MXI1: variants seen among roughly 807,000 people sequenced by gnomAD.
MXI1 encodes max-interacting protein 1.
Under a neutral mutation model 36.9 loss-of-function variants are expected in MXI1, and 18 were observed. The observed-to-expected ratio is 0.49, with a 90% CI of 0.34 to 0.72. The LOEUF is 0.72. MXI1 is among the 30% of genes least tolerant of loss of function. The pLI, the probability that MXI1 is intolerant of heterozygous loss-of-function variation, is 0.01. For missense variants in MXI1, 304 were observed against 379.1 expected (o/e 0.80, Z 1.64); for synonymous variants, 160 against 146.7 (o/e 1.09, Z -0.65).
chr10:110,279,226 C>T lies in MXI1; in HGVS notation c.484C>T (p.Pro162Ser). 1 of 1,614,182 alleles carries T rather than the reference C, an allele frequency of 6.2e-7. No individual in the cohort carries two copies. The highest frequency in any genetic ancestry group is 8.5e-7 in the Non-Finnish European group (1 of 1,180,022). ...TTTAGAACGCTTAAAAGTTCTGATT[C>T]CACTAGGACCAGACTGCACCCGGCA... is the stretch of plus-strand genomic sequence containing the variant. ...LCLERLKVLI[P>S]LGPDCTRHTT... Residue 162 changes from proline to serine, a missense_variant, in exon 4 of 6, where the codon CCA becomes TCA. By Grantham distance (74) the Pro-to-Ser change is moderately conservative. Coordinates refer to ENST00000332674, the MANE Select transcript of MXI1 (RefSeq NM_130439.3).
At position 110,249,831 on chromosome 10, in the gene MXI1, A is replaced by G. The variant is rs544533697; in HGVS notation, c.437+4974A>G. The stretch of plus-strand genomic sequence containing the variant: ...GCTTCTCTGAGTTATGATAAAAAAC[A>G]TAATTATTTTTATTGGAGCAAATGC... On this transcript the variant is annotated intron_variant, in intron 3 of 5. Transcript: ENST00000332674. 4.8e-4 allele frequency among the ~76,000 whole-genome samples: 73 copies of G among 152,218 alleles called. 1 individual carries two copies. Among genetic ancestry groups the G allele is most frequent in the Non-Finnish European group, 9.7e-4 (66 of 68,042 alleles).
chr10:110,212,247 C>A lies in MXI1; in HGVS notation c.274+4165C>A, dbSNP rs117904151. Among the ~76,000 whole-genome samples, 4 of 152,138 alleles carry A rather than the reference C, an allele frequency of 2.6e-5. No homozygotes were observed. The East Asian group carries it at 7.7e-4, about 29-fold the overall frequency. ...AGGGTGGGGTGCTTTCCTAGGGGCACGGACAGCCCAAGAAACAGCCTGTTC... is the reference window on the plus strand; with the variant it reads ...AGGGTGGGGTGCTTTCCTAGGGGCAAGGACAGCCCAAGAAACAGCCTGTTC... On this transcript the variant is annotated intron_variant, in intron 1 of 5. Transcript: ENST00000332674.
At chr10:110,220,959 G>T (rs2134337631) in intron 1 of MXI1, among the ~76,000 whole-genome samples, 1 of 152,258 alleles carries the variant, frequency 6.6e-6, no homozygotes, top group African/African-American at 2.4e-5. Flanking sequence ...AACAAATGTT[G>T]AAAAGTATTT....
intron 3 of MXI1, among the ~76,000 whole-genome samples, chr10:110,255,740 C>A (rs767254422): frequency 1.3e-5 from 2 of 152,096 alleles, no homozygotes; most frequent in African/African-American, 2.4e-5. Context: ...GATGGCCGTA[C>A]TTTCCAAATT....
At chr10:110,217,667 T>C (rs1411577749) in intron 1 of MXI1, among the ~76,000 whole-genome samples, 2 of 152,234 alleles carry the variant, frequency 1.3e-5, no homozygotes, top group African/African-American at 4.8e-5. Flanking sequence ...CAACAAATAA[T>C]TTCTAAAACC....
rs143736763 is a variant in MXI1 at position 110,279,246 on chromosome 10, C to T, written c.504C>T (p.Thr168=). The stretch of plus-strand genomic sequence containing the variant: ...TGATTCCACTAGGACCAGACTGCAC[C>T]CGGCACACAACACTTGGTTTGCTCA... ...KVLIPLGPDC[T]RHTTLGLLNK... is the part of the protein sequence containing the mutation. The change falls in exon 4 of 6, where the codon ACC becomes ACT. Residue 168 remains threonine, a synonymous_variant. Transcript: ENST00000332674. 2.5e-6 allele frequency: 4 copies of T among 1,614,082 alleles called. No homozygotes were observed. Among genetic ancestry groups the T allele is most frequent in the Non-Finnish European group, 2.5e-6 (3 of 1,180,000 alleles).
chr10:110,259,289 A>C (rs569385970), intron 3 of MXI1, among the ~76,000 whole-genome samples: 1 of 152,228 alleles, frequency 6.6e-6, no homozygotes, highest in South Asian at 2.1e-4. Context: ...GAGATATTTT[A>C]GATGATGCAA....
chr10:110,219,366 C>G (rs1353831385), intron 1 of MXI1, among the ~76,000 whole-genome samples: 1 of 152,170 alleles, frequency 6.6e-6, no homozygotes, highest in Non-Finnish European at 1.5e-5. Context: ...TTTTCAAAAG[C>G]CCTTCAATAG....
In MXI1 at chr10:110,283,554, CTT is replaced by C. The variant is rs34296187; in HGVS notation, c.725-1256_725-1255del. On this transcript the variant is annotated intron_variant, in intron 5 of 5. Coordinates refer to ENST00000332674, the MANE Select transcript of MXI1 (RefSeq NM_130439.3). ...GCTTGGCCGCACCCGGCTGAATCCA[CTT>C]TTTTTTTTTTTTTAAAGCAGTTGTG... 9.6e-4 allele frequency among the ~76,000 whole-genome samples: 140 copies of C among 146,176 alleles called. No homozygotes were observed. The Middle Eastern group carries it at 0.011, about 11-fold the overall frequency.
At position 110,283,243 on chromosome 10, in the gene MXI1, T is replaced by A. The variant is rs145330190; in HGVS notation, c.725-1581T>A. Among the ~76,000 whole-genome samples, 410 of 151,302 alleles carry A rather than the reference T, an allele frequency of 2.7e-3. 1 individual carries two copies. The highest frequency in any genetic ancestry group is 0.017 in the Middle Eastern group (5 of 294). ...TCCTGGAAATAGCTTCACCCTGTCC[T>A]TTTGGCCTCACAAGAATCCACTTTT... On this transcript the variant is annotated intron_variant, in intron 5 of 5. Transcript: ENST00000332674.
intron 2 of MXI1, among the ~76,000 whole-genome samples, chr10:110,237,080 C>T (rs563672926): frequency 3.3e-5 from 5 of 152,270 alleles, no homozygotes; most frequent in Middle Eastern, 3.4e-3. Flanking sequence ...GAACTGACTT[C>T]GCTAAACTTA....
chr10:110,216,686 G>A (rs867892553), intron 1 of MXI1, among the ~76,000 whole-genome samples: 2 of 10,172 alleles, frequency 2.0e-4, no homozygotes, highest in Non-Finnish European at 3.0e-4. Context: ...TTTTTTTTTT[G>A]GAGACAGGGT....
chr10:110,254,859 A>G (rs530129274), intron 3 of MXI1, among the ~76,000 whole-genome samples: 2 of 152,210 alleles, frequency 1.3e-5, no homozygotes, highest in Non-Finnish European at 2.9e-5. Flanking sequence ...GAGGTTTAAG[A>G]AAAGAAGTCA....
intron 2 of MXI1, among the ~76,000 whole-genome samples, chr10:110,230,394 ATGCCATATTGTTCTGATAG>A (rs1855217096): frequency 6.6e-6 from 1 of 152,212 alleles, no homozygotes; most frequent in African/African-American, 2.4e-5. Context: ...AACTGCAAGC[ATGCCATATTGTTCTGATAG>A]TGCCCAAAGG....
intron 2 of MXI1, among the ~76,000 whole-genome samples, chr10:110,240,264 G>C (rs1019414069): frequency 5.3e-5 from 8 of 151,874 alleles, no homozygotes; most frequent in Admixed American, 3.9e-4. Context: ...ACATATATTG[G>C]CTTGGTATAT....
At chr10:110,281,503 T>C (rs1423092533) in intron 5 of MXI1, among the ~76,000 whole-genome samples, 1 of 152,184 alleles carries the variant, frequency 6.6e-6, no homozygotes, top group African/African-American at 2.4e-5. Flanking sequence ...AAGATATTAA[T>C]CTATAATAAT....
At chr10:110,230,489 C>G (rs1405560724) in intron 2 of MXI1, among the ~76,000 whole-genome samples, 2 of 151,608 alleles carry the variant, frequency 1.3e-5, no homozygotes, top group Admixed American at 6.6e-5. Flanking sequence ...ATATAAGTAG[C>G]AAGAAAGAGA....
chr10:110,275,868 T>C (rs1857010468), intron 3 of MXI1, among the ~76,000 whole-genome samples: 2 of 152,214 alleles, frequency 1.3e-5, no homozygotes, highest in South Asian at 4.1e-4. Context: ...ATGGCATCAC[T>C]GGCCTTTGTG....
chr10:110,223,124 A>C (rs981116099), intron 1 of MXI1, among the ~76,000 whole-genome samples: 5 of 152,036 alleles, frequency 3.3e-5, no homozygotes, highest in African/African-American at 1.2e-4. Context: ...AGGTTAGTTC[A>C]CCTGGAGGTC....
Sources: allele counts gnomAD v4.1 joint callset (sites outside exome capture counted in the v4.1 genomes callset), GRCh38; gene constraint gnomAD v4.1.1; transcripts MANE v1.5; gene names NCBI Gene and HGNC (gene_info 2026-07-23, HGNC 2026-07-21).